DCAF1: variants seen among roughly 807,000 people sequenced by gnomAD.
The protein encoded by DCAF1 is DDB1 and CUL4 associated factor 1.
In DCAF1, 15 loss-of-function variants were observed where a neutral mutation model predicts 128.0. That is an observed-to-expected ratio of 0.12 (90% CI 0.08 to 0.18). The LOEUF (loss-of-function observed/expected upper bound fraction) is 0.18. DCAF1 is among the 10% of genes least tolerant of loss of function. DCAF1 has a pLI of 1.00. For missense variants in DCAF1, 988 were observed against 1,649.5 expected (o/e 0.60, Z 6.95); for synonymous variants, 610 against 603.0 (o/e 1.01, Z -0.17).
chr3:51,411,878 C>T (rs1213708910), intron 23 of DCAF1, among the ~76,000 whole-genome samples: 1 of 151,752 alleles, frequency 6.6e-6, no homozygotes, highest in Non-Finnish European at 1.5e-5. Context: ...GAGAGGCCGA[C>T]GTGGGCAGAT....
At chr3:51,471,857 G>A (rs1204276633) in intron 3 of DCAF1, among the ~76,000 whole-genome samples, 2 of 151,546 alleles carry the variant, frequency 1.3e-5, no homozygotes, top group African/African-American at 4.8e-5. Context: ...CAACAAGAGT[G>A]AAACTCTGTC....
At chr3:51,480,769 T>A (rs1456019987) in intron 3 of DCAF1, among the ~76,000 whole-genome samples, 1 of 152,092 alleles carries the variant, frequency 6.6e-6, no homozygotes, top group African/African-American at 2.4e-5. Flanking sequence ...CACCCCTTGA[T>A]TTGTTTTAAT....
At position 51,398,422 on chromosome 3, in the gene DCAF1, GTTCT is replaced by G. The variant is rs569346772; in HGVS notation, c.*343_*346del. The G allele has an allele frequency of 1.4e-3, 252 of 185,708 alleles. 1 individual carries two copies. Among genetic ancestry groups the G allele is most frequent in the Non-Finnish European group, 2.4e-3 (218 of 91,184 alleles). 11.5% of individuals were successfully genotyped at this position (185,708 alleles called of 1,614,324 possible). On this transcript the variant is annotated 3_prime_UTR_variant, in exon 25 of 25. Coordinates refer to ENST00000684031, the MANE Select transcript of DCAF1 (RefSeq NM_001387579.1). ...AAAGTTTTATAAAAAACTATTTCTT[GTTCT>G]TTAAGTAAAGAACACTATACAAAGA... is the stretch of plus-strand genomic sequence containing the variant.
chr3:51,398,574 T>C lies in DCAF1; in HGVS notation c.*195A>G. 1.5e-6 allele frequency: 1 copy of C among 646,128 alleles called. No homozygotes were observed. The highest frequency in any genetic ancestry group is 1.8e-5 in the African/African-American group (1 of 54,516). 40.0% of individuals were successfully genotyped at this position (646,128 alleles called of 1,614,324 possible). On this transcript the variant is annotated 3_prime_UTR_variant, in exon 25 of 25. Coordinates refer to ENST00000684031, the MANE Select transcript of DCAF1 (RefSeq NM_001387579.1). ...GAGTAGGGCCTAGTCCCTGTTGTCATTTTTGTGGTGGTTATTGATTCTGGA... is the reference window on the plus strand; with the variant it reads ...GAGTAGGGCCTAGTCCCTGTTGTCACTTTTGTGGTGGTTATTGATTCTGGA...
intron 2 of DCAF1, among the ~76,000 whole-genome samples, chr3:51,487,219 C>T (rs1390649691): frequency 3.3e-5 from 5 of 152,132 alleles, no homozygotes; most frequent in African/African-American, 1.2e-4. Context: ...ATCCGCCCAC[C>T]TCAGCTTCCT....
intron 23 of DCAF1, among the ~76,000 whole-genome samples, chr3:51,405,291 T>G (rs182516773): frequency 6.6e-6 from 1 of 152,184 alleles, no homozygotes. Context: ...TTGAAGAACA[T>G]TGAGGCTTAG....
At position 51,441,078 on chromosome 3, in the gene DCAF1, T is replaced by C; in HGVS notation, c.1027-7A>G. 1 of 1,605,362 alleles carries C rather than the reference T, an allele frequency of 6.2e-7. No homozygotes were observed. The highest frequency in any genetic ancestry group is 1.1e-5 in the South Asian group (1 of 89,380). On this transcript the variant is annotated splice_polypyrimidine_tract_variant and splice_region_variant and intron_variant, in intron 8 of 24. Coordinates refer to ENST00000684031, the MANE Select transcript of DCAF1 (RefSeq NM_001387579.1). Reference sequence around the variant, plus strand: ...GCATGAATATGGGAAGTAGCTGAAATGAACACCAAATACAAGTCTTAAATT... The same window carrying C: ...GCATGAATATGGGAAGTAGCTGAAACGAACACCAAATACAAGTCTTAAATT...
chr3:51,402,967 C>T (rs564637621), intron 24 of DCAF1, among the ~76,000 whole-genome samples, 176 bp downstream of exon 24: 2 of 152,306 alleles, frequency 1.3e-5, no homozygotes, highest in South Asian at 4.1e-4. Flanking sequence ...GTTCCACAGT[C>T]TGACAGGAGA....
At chr3:51,446,355 G>T (rs1701851881) in intron 6 of DCAF1, among the ~76,000 whole-genome samples, 1 of 152,182 alleles carries the variant, frequency 6.6e-6, no homozygotes, top group Admixed American at 6.5e-5. Flanking sequence ...GCTCATGCCT[G>T]TAATCCTAAT....
Position 51,429,252 on chromosome 3 carries a change from TC to T in DCAF1, c.1677+8del, listed in dbSNP as rs1553634892. ...CAGAACTTTCCCTTTCAAGGCAAGG[TC>T]CTCTCACCTTGTACGGGGGTTGTGG... On this transcript the variant is annotated splice_region_variant and intron_variant, in intron 12 of 24. Coordinates refer to ENST00000684031, the MANE Select transcript of DCAF1 (RefSeq NM_001387579.1). The T allele has an allele frequency of 3.9e-6, 3 of 767,400 alleles. No homozygotes were observed. The highest frequency in any genetic ancestry group is 2.7e-5 in the South Asian group (2 of 72,762). The allele number at this position is 767,400 out of a possible 1,614,324, so 47.5% of individuals were successfully genotyped here. A position where few individuals can be genotyped will look rare whatever the true frequency, so the allele number is the denominator to read the frequency against.
chr3:51,488,333 C>A (rs192187918), intron 2 of DCAF1, among the ~76,000 whole-genome samples: 1 of 152,254 alleles, frequency 6.6e-6, no homozygotes, highest in East Asian at 1.9e-4. Flanking sequence ...TTTATGACTG[C>A]AGACATAAAA....
At chr3:51,471,797 G>A (rs1227803624) in intron 3 of DCAF1, among the ~76,000 whole-genome samples, 1 of 151,962 alleles carries the variant, frequency 6.6e-6, no homozygotes, top group Non-Finnish European at 1.5e-5. Context: ...AACCTGGGAG[G>A]TGGAGGTTGC....
intron 23 of DCAF1, among the ~76,000 whole-genome samples, chr3:51,409,565 T>C (rs1698213870): frequency 6.6e-6 from 1 of 152,190 alleles, no homozygotes; most frequent in African/African-American, 2.4e-5. Context: ...CTTCAACATG[T>C]AACATCCAAG....
At chr3:51,502,556 C>CA (rs1307779979), upstream of DCAF1, among the ~76,000 whole-genome samples, 31 of 151,002 alleles carry the variant, frequency 2.1e-4, no homozygotes, top group Admixed American at 4.0e-4. Flanking sequence ...GACTCTGTCT[C>CA]AAAAAAAAAT....
chr3:51,416,502 A>G lies in DCAF1; in HGVS notation c.3603+285T>C, dbSNP rs113959229. ...TATTTGCTTCTTTATTGTCTCCCCA[A>G]TGAGGGTCCATAAAGGCAGGGGTTT... On this transcript the variant is annotated intron_variant, in intron 18 of 24. Transcript: ENST00000684031. Among the ~76,000 whole-genome samples the G allele has an allele frequency of 1.2e-4, 19 of 152,270 alleles. 1 individual carries two copies. The highest frequency in any genetic ancestry group is 3.4e-3 in the Middle Eastern group (1 of 294).
chr3:51,445,606 C>T (rs1701777361), intron 6 of DCAF1, among the ~76,000 whole-genome samples: 1 of 152,114 alleles, frequency 6.6e-6, no homozygotes, highest in African/African-American at 2.4e-5. Flanking sequence ...CCATACTCTG[C>T]TATTTTATTG....
At chr3:51,442,058 T>C (rs1232357084) in intron 7 of DCAF1, among the ~76,000 whole-genome samples, 161 bp from the exon 8 acceptor site, 3 of 152,146 alleles carry the variant, frequency 2.0e-5, no homozygotes, top group African/African-American at 7.2e-5. Context: ...TTCCTATAAG[T>C]TGATGAAATA....
chr3:51,456,364 C>G (rs567440534), intron 6 of DCAF1, among the ~76,000 whole-genome samples: 3 of 152,272 alleles, frequency 2.0e-5, no homozygotes, highest in African/African-American at 7.2e-5. Flanking sequence ...GGGGGAGGGG[C>G]GCCCGCCATT....
chr3:51,420,828 G>A lies in DCAF1; in HGVS notation c.2142C>T (p.Asn714=), dbSNP rs922463030. 25 of 1,613,888 alleles carry A rather than the reference G, an allele frequency of 1.5e-5. No individual in the cohort carries two copies. Among genetic ancestry groups the A allele is most frequent in the East Asian group, 2.2e-5 (1 of 44,894 alleles). The change falls in exon 15 of 25, where the codon AAC becomes AAT. Residue 714 remains asparagine (N), a synonymous_variant. Transcript: ENST00000684031. The surrounding 1 kb of genome is among the most constrained non-coding windows in gnomAD (Gnocchi z 6.5). ...SGTPRRKLPQ[N]PKSSEHTLAK... ...CCAGGGTGTGCTCACTGCTTTTAGG[G>A]TTCTGAGGCAGCTTTCTCCGAGGAG...
Sources: gnomAD v4.1 joint callset for allele counts (sites outside exome capture counted in the v4.1 genomes callset) on GRCh38, gnomAD v4.1.1 for gene constraint, Gnocchi (gnomAD v3.1) non-coding constraint, MANE v1.5 for transcripts, NCBI Gene and HGNC (gene_info 2026-07-23, HGNC 2026-07-21) for gene names.